Variants in ZFPM1 observed in about 807,000 individuals in gnomAD.
ZFPM1 encodes zinc finger protein ZFPM1.
A neutral mutation model predicts 46.3 loss-of-function variants in ZFPM1; 28 were observed. The observed-to-expected ratio is 0.60, with a 90% CI of 0.45 to 0.83. The LOEUF is 0.83. ZFPM1 is among the 40% of genes least tolerant of loss of function. The pLI, the probability that ZFPM1 is intolerant of heterozygous loss-of-function variation, is 0.00. For synonymous variants in ZFPM1, 957 were observed against 675.9 expected (o/e 1.42, Z -6.45); for missense variants, 1,878 against 1,432.4 (o/e 1.31, Z -5.02).
At position 88,497,031 on chromosome 16, in the gene ZFPM1, C is replaced by T. The variant is rs568058788; in HGVS notation, c.268+7878C>T. 2.0e-5 allele frequency among the ~76,000 whole-genome samples: 3 copies of T among 152,194 alleles called. No individual in the cohort carries two copies. Among genetic ancestry groups the T allele is most frequent in the African/African-American group, 7.2e-5 (3 of 41,446 alleles). ...GAGCCGCACACACCTGCTCCTGGCTCGCTCCACCCGTAAGTGCCTCAGGAC... is the reference window on the plus strand; with the variant it reads ...GAGCCGCACACACCTGCTCCTGGCTTGCTCCACCCGTAAGTGCCTCAGGAC... On this transcript the variant is annotated intron_variant, in intron 3 of 9. Coordinates refer to ENST00000319555, the MANE Select transcript of ZFPM1 (RefSeq NM_153813.3). The surrounding 1 kb of genome is among the most constrained non-coding windows in gnomAD (Gnocchi z 5.4).
intron 3 of ZFPM1, among the ~76,000 whole-genome samples, chr16:88,514,032 GC>G (rs888072047): frequency 2.6e-5 from 4 of 152,176 alleles, no homozygotes; most frequent in African/African-American, 9.7e-5. Flanking sequence ...TCTTTTGGGG[GC>G]CCCCAGTCAG....
At chr16:88,519,588 G>C (rs908439596) in intron 4 of ZFPM1, among the ~76,000 whole-genome samples, 33 of 141,132 alleles carry the variant, frequency 2.3e-4, no homozygotes, top group African/African-American at 8.5e-4. Context: ...GGGAGGGTGG[G>C]TGGATGGATG....
At chr16:88,453,964 G>C (rs545706044) in intron 1 of ZFPM1, among the ~76,000 whole-genome samples, 87 of 152,268 alleles carry the variant, frequency 5.7e-4, no homozygotes, top group Middle Eastern at 3.4e-3. Context: ...GCCCCTCGCG[G>C]CCTGCCCCTC....
chr16:88,479,531 C>T (rs1259173046), intron 1 of ZFPM1, among the ~76,000 whole-genome samples: 4 of 152,222 alleles, frequency 2.6e-5, no homozygotes, highest in East Asian at 1.9e-4. Context: ...ACAGAGCGAG[C>T]GGGGCCGTCC....
intron 1 of ZFPM1, among the ~76,000 whole-genome samples, chr16:88,467,343 C>T (rs1028336450): frequency 6.6e-6 from 1 of 152,192 alleles, no homozygotes; most frequent in Non-Finnish European, 1.5e-5. Context: ...CCTCATCTGT[C>T]AAATAGGGCC....
At chr16:88,476,285 C>T (rs1908681501) in intron 1 of ZFPM1, among the ~76,000 whole-genome samples, 1 of 152,172 alleles carries the variant, frequency 6.6e-6, no homozygotes, top group African/African-American at 2.4e-5. Flanking sequence ...ACACCCCCCT[C>T]CAAGCCAGCC....
intron 1 of ZFPM1, among the ~76,000 whole-genome samples, chr16:88,459,024 G>A (rs1296232778): frequency 6.6e-6 from 1 of 152,240 alleles, no homozygotes; most frequent in Non-Finnish European, 1.5e-5. Flanking sequence ...ATGGACCAGG[G>A]GAGAGCCGGC....
upstream of ZFPM1, among the ~76,000 whole-genome samples, chr16:88,452,768 G>A (rs1907331694): frequency 1.3e-5 from 2 of 152,154 alleles, no homozygotes; most frequent in East Asian, 1.9e-4. Context: ...GAGCCTCGGC[G>A]TCTCAGGACC....
At chr16:88,526,417 C>T (rs1409631895) in intron 4 of ZFPM1, among the ~76,000 whole-genome samples, 1 of 152,054 alleles carries the variant, frequency 6.6e-6, no homozygotes, top group Non-Finnish European at 1.5e-5. Context: ...ACACCCAGCA[C>T]TCTGGGGGCA....
At chr16:88,491,244 G>A (rs1909556809) in intron 3 of ZFPM1, among the ~76,000 whole-genome samples, 1 of 152,156 alleles carries the variant, frequency 6.6e-6, no homozygotes, top group Non-Finnish European at 1.5e-5. Context: ...TGTAGAATAG[G>A]GTAGCGGGTA....
At chr16:88,488,393 C>T (rs893552790) in intron 2 of ZFPM1, among the ~76,000 whole-genome samples, 18 of 152,238 alleles carry the variant, frequency 1.2e-4, no homozygotes, top group Admixed American at 1.0e-3. Flanking sequence ...AACACAGCAG[C>T]GCAGGAGCTG....
intron 4 of ZFPM1, among the ~76,000 whole-genome samples, chr16:88,514,974 C>T (rs550212335): frequency 2.0e-5 from 3 of 152,282 alleles, no homozygotes; most frequent in South Asian, 2.1e-4. Context: ...GGCCTCGGCA[C>T]GTGTGCTCAT....
At chr16:88,460,727 G>A (rs1437914269) in intron 1 of ZFPM1, among the ~76,000 whole-genome samples, 1 of 152,208 alleles carries the variant, frequency 6.6e-6, no homozygotes, top group Non-Finnish European at 1.5e-5. Context: ...GTCTAACAGG[G>A]CTGGTATACA....
At chr16:88,513,816 G>T (rs185589445) in intron 3 of ZFPM1, among the ~76,000 whole-genome samples, 14 of 152,334 alleles carry the variant, frequency 9.2e-5, no homozygotes, top group Admixed American at 9.1e-4. Flanking sequence ...GGGGGCTTCA[G>T]GCGACCCTCA....
intron 1 of ZFPM1, among the ~76,000 whole-genome samples, chr16:88,468,505 A>G (rs1908263848): frequency 6.6e-6 from 1 of 152,080 alleles, no homozygotes; most frequent in Non-Finnish European, 1.5e-5. Flanking sequence ...TCTTGGCTGT[A>G]CGACCTTGGA....
intron 4 of ZFPM1, among the ~76,000 whole-genome samples, chr16:88,523,625 C>G (rs7202381): frequency 0.022 from 3,321 of 152,338 alleles, 56 homozygotes; most frequent in African/African-American, 0.043. Context: ...AGGGTGGCCC[C>G]TGCATCCTCA....
intron 1 of ZFPM1, among the ~76,000 whole-genome samples, chr16:88,483,679 G>C (rs895777365): frequency 6.6e-6 from 1 of 152,196 alleles, no homozygotes; most frequent in Non-Finnish European, 1.5e-5. Flanking sequence ...GACACCCAGG[G>C]CAGTGTTCAG....
rs576745447 is a variant in ZFPM1 at position 88,534,813 on chromosome 16, A to G, written c.2855A>G (p.Tyr952Cys). 87 of 1,476,410 alleles carry G rather than the reference A, an allele frequency of 5.9e-5. 2 individuals are homozygous for G. The South Asian group carries it at 9.9e-4, about 17-fold the overall frequency. The allele number at this position is 1,476,410 out of a possible 1,614,324, so 91.5% of individuals were successfully genotyped here. A position where few individuals can be genotyped will look rare whatever the true frequency, so the allele number is the denominator to read the frequency against. The change falls in exon 10 of 10, where the codon TAC (tyrosine) becomes TGC (cysteine). Residue 952 changes from tyrosine to cysteine, a missense_variant. Tyr to Cys is a radical substitution (Grantham distance 194, BLOSUM62 -2). Coordinates refer to ENST00000319555, the MANE Select transcript of ZFPM1 (RefSeq NM_153813.3). ...AVPPPPAPPSYSDKGVQTPSK... is the reference protein window; with the variant it reads ...AVPPPPAPPSCSDKGVQTPSK... ...CCGCCCCCGCCGGCGCCCCCCTCCTACTCGGACAAGGGCGTCCAGACTCCC... is the reference window on the plus strand; with the variant it reads ...CCGCCCCCGCCGGCGCCCCCCTCCTGCTCGGACAAGGGCGTCCAGACTCCC...
At chr16:88,455,221 C>T (rs944114735) in intron 1 of ZFPM1, among the ~76,000 whole-genome samples, 8 of 151,734 alleles carry the variant, frequency 5.3e-5, no homozygotes, top group African/African-American at 1.9e-4. Flanking sequence ...AGGGAGATCG[C>T]AGGTTGGAAA....
Sources: allele counts gnomAD v4.1 joint callset (sites outside exome capture counted in the v4.1 genomes callset), GRCh38; gene constraint gnomAD v4.1.1; non-coding constraint Gnocchi (gnomAD v3.1); transcripts MANE v1.5; gene names NCBI Gene and HGNC (gene_info 2026-07-23, HGNC 2026-07-21).